S100Z: variants seen among roughly 807,000 people sequenced by gnomAD.
S100Z encodes S100 calcium binding protein Z, also known as protein S100-Z.
Under a neutral mutation model 8.5 loss-of-function variants are expected in S100Z, and 11 were observed. That is an observed-to-expected ratio of 1.30 (90% confidence interval 0.82 to 2.15). S100Z has a LOEUF of 2.15. S100Z is among the 30% of genes most tolerant of loss of function. The probability of loss-of-function intolerance (pLI) is 0.00; values close to 1 mark genes in which losing one functional copy is unlikely to be tolerated. For missense variants in S100Z, 126 were observed against 117.9 expected, an observed-to-expected ratio of 1.07 and a Z score of -0.32; for synonymous variants, 34 against 43.8, an observed-to-expected ratio of 0.78 and a Z score of 0.89.
chr5:76,905,832 T>TTTTG (rs1580055209), intron 4 of S100Z, among the ~76,000 whole-genome samples: 3 of 152,158 alleles, frequency 2.0e-5, no homozygotes, highest in African/African-American at 7.2e-5. Context: ...AATAATAACT[T>TTTTG]TTTGTTTGTT....
intron 3 of S100Z, among the ~76,000 whole-genome samples, chr5:76,876,390 A>T (rs1175573982): frequency 3.5e-5 from 5 of 144,540 alleles, no homozygotes; most frequent in Admixed American, 6.9e-5. Flanking sequence ...TTTTTCGGAG[A>T]TGGAGTCTTG....
At chr5:76,851,545 C>T (rs929009594) in intron 1 of S100Z, among the ~76,000 whole-genome samples, 4 of 152,102 alleles carry the variant, frequency 2.6e-5, no homozygotes, top group African/African-American at 9.7e-5. Context: ...GCATCATACT[C>T]AGGTTTCTGG....
At chr5:76,928,358 G>C in the S100Z span, among the ~76,000 whole-genome samples, 1 of 152,152 alleles carries the variant, frequency 6.6e-6, no homozygotes, top group Middle Eastern at 3.2e-3. Flanking sequence ...AGAATCAATT[G>C]TAAGTGCCAC....
Position 76,866,686 on chromosome 5 carries a change from T to A in S100Z, c.-175-3480T>A, listed in dbSNP as rs141593048. Among the ~76,000 whole-genome samples, 393 of 152,336 alleles carry A rather than the reference T, an allele frequency of 2.6e-3. 1 individual carries two copies. Among genetic ancestry groups the A allele is most frequent in the African/African-American group, 8.9e-3 (371 of 41,582 alleles). ...TCAGCACAGTTATATGCTGTACAGG[T>A]TTATAGCCTAGGAGCAATAGGCTAT... On this transcript the variant is annotated intron_variant, in intron 1 of 4. Transcript: ENST00000317593.
the S100Z span, among the ~76,000 whole-genome samples, chr5:76,940,049 T>G: frequency 6.7e-6 from 1 of 149,150 alleles, no homozygotes; most frequent in East Asian, 2.0e-4. Context: ...CCCAGCTACT[T>G]GGGAGGCTGA....
intron 2 of S100Z, among the ~76,000 whole-genome samples, chr5:76,872,659 T>TA (rs139939958): frequency 0.029 from 4,364 of 150,660 alleles, 194 homozygotes; most frequent in African/African-American, 0.1. Context: ...GACTCTGTCT[T>TA]AAAAAAATAA....
chr5:76,907,014 A>G (rs1173407536), intron 4 of S100Z, among the ~76,000 whole-genome samples: 4 of 54,240 alleles, frequency 7.4e-5, no homozygotes, highest in East Asian at 5.4e-4. Flanking sequence ...ATATATATAT[A>G]TATATATATA....
At chr5:76,861,211 C>T (rs530847999) in intron 1 of S100Z, among the ~76,000 whole-genome samples, 1 of 152,304 alleles carries the variant, frequency 6.6e-6, no homozygotes, top group African/African-American at 2.4e-5. Flanking sequence ...TCAGTTGGTA[C>T]TGGTTGCCAG....
intron 4 of S100Z, among the ~76,000 whole-genome samples, chr5:76,907,629 T>C (rs139469073): frequency 4.6e-5 from 7 of 152,308 alleles, no homozygotes; most frequent in Non-Finnish European, 8.8e-5. Flanking sequence ...TGAAATAAGA[T>C]AGTCTGAGTC....
At chr5:76,863,902 C>A (rs1353106877) in intron 1 of S100Z, among the ~76,000 whole-genome samples, 1 of 152,102 alleles carries the variant, frequency 6.6e-6, no homozygotes, top group Admixed American at 6.6e-5. Context: ...GTGAAAGAAG[C>A]CTTATAAACT....
the S100Z span, among the ~76,000 whole-genome samples, chr5:76,942,419 G>T: frequency 8.4e-6 from 1 of 119,170 alleles, no homozygotes; most frequent in Non-Finnish European, 1.6e-5. Flanking sequence ...GCCCAGTATA[G>T]CTATTATATT....
At chr5:76,864,095 A>T (rs1751175343) in intron 1 of S100Z, among the ~76,000 whole-genome samples, 1 of 152,208 alleles carries the variant, frequency 6.6e-6, no homozygotes, top group Non-Finnish European at 1.5e-5. Context: ...AATTCTATTA[A>T]ACAATGAATA....
chr5:76,867,610 G>C (rs1237726398), intron 1 of S100Z, among the ~76,000 whole-genome samples: 2 of 76,174 alleles, frequency 2.6e-5, no homozygotes, highest in Non-Finnish European at 5.4e-5. Context: ...TTTTTTTTTT[G>C]AGGTGGGGTC....
chr5:76,898,640 GAAT>G (rs147090250), intron 4 of S100Z, among the ~76,000 whole-genome samples: 2,191 of 152,282 alleles, frequency 0.014, 63 homozygotes, highest in East Asian at 0.11. Context: ...TGCATTCCAA[GAAT>G]ACATATCATT....
the S100Z span, among the ~76,000 whole-genome samples, chr5:76,933,642 A>T: frequency 6.6e-6 from 1 of 152,196 alleles, no homozygotes; most frequent in African/African-American, 2.4e-5. Context: ...CAACAACCTT[A>T]GGGTACAGGA....
chr5:76,859,518 C>T (rs546024290), intron 1 of S100Z, among the ~76,000 whole-genome samples: 62 of 152,098 alleles, frequency 4.1e-4, no homozygotes, highest in Middle Eastern at 3.4e-3. Context: ...CAGTGGCTCA[C>T]GTCTGTAATC....
intron 4 of S100Z, among the ~76,000 whole-genome samples, chr5:76,907,973 A>G (rs1266714354): frequency 1.3e-5 from 2 of 152,142 alleles, no homozygotes; most frequent in African/African-American, 4.8e-5. Flanking sequence ...TACAAAAAAT[A>G]CAAAAATATC....
chr5:76,909,121 A>G lies in S100Z; in HGVS notation c.*3-11596A>G, dbSNP rs59770419. 5.6e-3 allele frequency among the ~76,000 whole-genome samples: 860 copies of G among 152,238 alleles called. 6 individuals are homozygous for G. The highest frequency in any genetic ancestry group is 0.019 in the African/African-American group (808 of 41,552). ...GACAAGAGGTGTTTTCGGCTACTGC[A>G]TCGGTGAGCACAGCTATTCCAATCA... On this transcript the variant is annotated intron_variant, in intron 4 of 4. Coordinates refer to ENST00000317593, the MANE Select transcript of S100Z (RefSeq NM_130772.4).
At chr5:76,866,959 A>G (rs1461493168) in intron 1 of S100Z, among the ~76,000 whole-genome samples, 1 of 152,044 alleles carries the variant, frequency 6.6e-6, no homozygotes, top group Non-Finnish European at 1.5e-5. Context: ...GCATTTTTGT[A>G]GTCTTTATAA....
Sources: allele counts gnomAD v4.1 joint callset (sites outside exome capture counted in the v4.1 genomes callset), GRCh38; gene constraint gnomAD v4.1.1; transcripts MANE v1.5; gene names NCBI Gene and HGNC (gene_info 2026-07-23, HGNC 2026-07-21).